IPO11: variants seen among roughly 807,000 people sequenced by gnomAD.
IPO11 encodes importin-11.
A neutral mutation model predicts 143.2 loss-of-function variants in IPO11; 66 were observed. The ratio of observed to expected loss-of-function variants is 0.46; its 90% CI spans 0.38 to 0.57. The LOEUF is 0.57. IPO11 is among the 20% of genes least tolerant of loss of function. The pLI is 0.00. For missense variants in IPO11, 1,026 were observed against 1,141.0 expected (o/e 0.90, Z 1.45); for synonymous variants, 385 against 377.8 (o/e 1.02, Z -0.22).
chr5:62,616,281 C>T (rs146794052), intron 29 of IPO11, among the ~76,000 whole-genome samples: 42 of 152,182 alleles, frequency 2.8e-4, no homozygotes, highest in African/African-American at 9.4e-4. Flanking sequence ...GTTGAGATCC[C>T]GTAGTAGGAA....
chr5:62,468,260 C>G (rs1012695470), intron 6 of IPO11, among the ~76,000 whole-genome samples: 4 of 152,152 alleles, frequency 2.6e-5, no homozygotes, highest in African/African-American at 9.7e-5. Flanking sequence ...CAGTTTCTCT[C>G]TTACTCTCAG....
intron 16 of IPO11, among the ~76,000 whole-genome samples, chr5:62,499,570 T>TG (rs1561336518): frequency 8.3e-5 from 2 of 24,114 alleles, no homozygotes; most frequent in Admixed American, 6.4e-4. Context: ...TTACTCTAAC[T>TG]TTTTTTTTTT....
chr5:62,546,378 C>A (rs1390101678), intron 24 of IPO11, among the ~76,000 whole-genome samples: 1 of 152,068 alleles, frequency 6.6e-6, no homozygotes, highest in African/African-American at 2.4e-5. Context: ...TGTTCTCACT[C>A]ATAGATGGAA....
At chr5:62,576,317 C>A (rs766127203) in intron 27 of IPO11, 3 of 152,496 alleles carry the variant, frequency 2.0e-5, no homozygotes, top group Non-Finnish European at 4.4e-5. Context: ...CGACAGGCTT[C>A]ATGATGGCAG....
At chr5:62,572,281 A>AT (rs946511805) in intron 27 of IPO11, among the ~76,000 whole-genome samples, 7 of 152,170 alleles carry the variant, frequency 4.6e-5, no homozygotes, top group Non-Finnish European at 1.0e-4. Flanking sequence ...TCTCGTTTTT[A>AT]TTTAAGTTGT....
chr5:62,469,532 G>A (rs1197939825), intron 6 of IPO11, among the ~76,000 whole-genome samples: 1 of 152,022 alleles, frequency 6.6e-6, no homozygotes, highest in Non-Finnish European at 1.5e-5. Context: ...CTCTTACACT[G>A]TCACCATCCT....
At chr5:62,471,297 C>G (rs1048651386) in intron 7 of IPO11, among the ~76,000 whole-genome samples, 1 of 151,270 alleles carries the variant, frequency 6.6e-6, no homozygotes, top group Non-Finnish European at 1.5e-5. Context: ...GTCTTTGGGT[C>G]TCCCCTACTA....
chr5:62,567,632 G>A (rs1486600886), intron 27 of IPO11, among the ~76,000 whole-genome samples: 4 of 138,110 alleles, frequency 2.9e-5, no homozygotes, highest in Admixed American at 7.8e-5. Flanking sequence ...GAACGATCTC[G>A]GCCCACTGCA....
intron 29 of IPO11, among the ~76,000 whole-genome samples, chr5:62,623,183 T>G (rs1214455357): frequency 6.6e-6 from 1 of 152,226 alleles, no homozygotes; most frequent in Non-Finnish European, 1.5e-5. Context: ...ATAATTTAAT[T>G]AAGGAATTTT....
intron 5 of IPO11, among the ~76,000 whole-genome samples, chr5:62,460,301 T>G (rs1745309717): frequency 6.6e-6 from 1 of 152,124 alleles, no homozygotes. Flanking sequence ...AGTATTGACT[T>G]CCTCCCTCTC....
chr5:62,523,283 C>T (rs1011621018), intron 20 of IPO11, among the ~76,000 whole-genome samples: 4 of 152,036 alleles, frequency 2.6e-5, no homozygotes, highest in African/African-American at 7.2e-5. Flanking sequence ...TGAAACTGTT[C>T]CTCTGTTAGC....
At chr5:62,543,518 G>A (rs1278549386) in intron 24 of IPO11, among the ~76,000 whole-genome samples, 1 of 152,168 alleles carries the variant, frequency 6.6e-6, no homozygotes, top group African/African-American at 2.4e-5. Context: ...GTTTCTGTGC[G>A]ATCGGTAGTG....
At chr5:62,438,761 AAG>A (rs1491537661) in intron 2 of IPO11, among the ~76,000 whole-genome samples, 1 of 146,160 alleles carries the variant, frequency 6.8e-6, no homozygotes, top group Non-Finnish European at 1.5e-5. Flanking sequence ...TCAAAAAAAA[AAG>A]GGGGGGAGCA....
At chr5:62,444,913 C>T (rs544773835) in intron 3 of IPO11, among the ~76,000 whole-genome samples, 39 of 150,626 alleles carry the variant, frequency 2.6e-4, no homozygotes, top group African/African-American at 9.2e-4. Flanking sequence ...TATATATAAA[C>T]ATACATATAA....
At chr5:62,533,047 ATTTG>A (rs1277599469) in intron 22 of IPO11, among the ~76,000 whole-genome samples, 1 of 152,164 alleles carries the variant, frequency 6.6e-6, no homozygotes, top group African/African-American at 2.4e-5. Context: ...GATAAACATA[ATTTG>A]TTTTATGCAT....
At chr5:62,608,955 C>T (rs1263593408) in intron 29 of IPO11, among the ~76,000 whole-genome samples, 1 of 152,170 alleles carries the variant, frequency 6.6e-6, no homozygotes, top group African/African-American at 2.4e-5. Flanking sequence ...TTACTGTCTC[C>T]ATCGTTTTGT....
chr5:62,469,423 AAATTT>A (rs1745690163), intron 6 of IPO11, among the ~76,000 whole-genome samples: 1 of 152,204 alleles, frequency 6.6e-6, no homozygotes, highest in South Asian at 2.1e-4. Context: ...TTCTAAACCT[AAATTT>A]AATCCATTGC....
At chr5:62,451,182 A>G (rs1489016526) in intron 4 of IPO11, among the ~76,000 whole-genome samples, 4 of 152,212 alleles carry the variant, frequency 2.6e-5, no homozygotes, top group Non-Finnish European at 5.9e-5. Flanking sequence ...CAGGATTCCT[A>G]AACTTTGTGG....
chr5:62,487,494 A>T (rs919101618), intron 12 of IPO11, among the ~76,000 whole-genome samples: 2 of 152,194 alleles, frequency 1.3e-5, no homozygotes, highest in African/African-American at 4.8e-5. Context: ...TTAATTTAAA[A>T]TGTACACTTT....
Sources: gnomAD v4.1 joint callset for allele counts (sites outside exome capture counted in the v4.1 genomes callset) on GRCh38, gnomAD v4.1.1 for gene constraint, MANE v1.5 for transcripts, NCBI Gene and HGNC (gene_info 2026-07-23, HGNC 2026-07-21) for gene names.